The following SNTB2 variants were observed in gnomAD, a reference collection of about 807,000 sequenced individuals.
The protein encoded by SNTB2 is beta-2-syntrophin.
Under a neutral mutation model 46.2 loss-of-function variants are expected in SNTB2, and 34 were observed. The observed-to-expected ratio is 0.74, with a 90% CI of 0.56 to 0.98. The LOEUF is 0.98. Ranked by LOEUF, SNTB2 falls within the 50% of genes least tolerant of loss-of-function variation. The probability of loss-of-function intolerance (pLI) is 0.00; values close to 1 mark genes in which losing one functional copy is unlikely to be tolerated. For synonymous variants in SNTB2, 290 were observed against 312.6 expected (o/e 0.93, Z 0.76); for missense variants, 603 against 731.4 (o/e 0.82, Z 2.02).
At chr16:69,252,644 T>TA (rs1964737422) in intron 2 of SNTB2, among the ~76,000 whole-genome samples, 1 of 152,126 alleles carries the variant, frequency 6.6e-6, no homozygotes, top group Admixed American at 6.6e-5. Context: ...ACAGGAGAAG[T>TA]AAAGTAAGCT....
intron 1 of SNTB2, among the ~76,000 whole-genome samples, chr16:69,208,406 CAAA>C (rs78059351): frequency 1.8e-5 from 2 of 114,252 alleles, no homozygotes; most frequent in Admixed American, 9.0e-5. Context: ...AACTTCGTCT[CAAA>C]AAAAAAAAAA....
intron 1 of SNTB2, among the ~76,000 whole-genome samples, chr16:69,199,141 C>T (rs1483155452): frequency 2.0e-5 from 3 of 151,924 alleles, no homozygotes; most frequent in African/African-American, 7.3e-5. Flanking sequence ...GTGATTCACC[C>T]GCCTTAGCCT....
chr16:69,207,548 C>T (rs1007686698), intron 1 of SNTB2, among the ~76,000 whole-genome samples: 5 of 152,152 alleles, frequency 3.3e-5, no homozygotes, highest in Non-Finnish European at 7.3e-5. Context: ...AGAAAATTGA[C>T]ATTGTCGAGA....
chr16:69,187,764 G>GTT lies in SNTB2; in HGVS notation c.580+18_580+19insTT. 1 of 1,366,466 alleles carries GTT rather than the reference G, an allele frequency of 7.3e-7. No homozygotes were observed. Among genetic ancestry groups the GTT allele is most frequent in the South Asian group, 1.5e-5 (1 of 66,250 alleles). 84.6% of individuals were successfully genotyped at this position (1,366,466 alleles called of 1,614,324 possible). ...GCTGGAGGGTGAGCGGGGCCGGGCG[G>GTT]GAGGGTGGGCAGGCCGCGGCGGCCT... On this transcript the variant is annotated intron_variant, in intron 1 of 6. Coordinates refer to ENST00000336278, the MANE Select transcript of SNTB2 (RefSeq NM_006750.4).
At chr16:69,191,789 C>T (rs1245469863) in intron 1 of SNTB2, among the ~76,000 whole-genome samples, 4 of 151,614 alleles carry the variant, frequency 2.6e-5, no homozygotes, top group East Asian at 3.9e-4. Flanking sequence ...TACAGGCGCC[C>T]GCCACCATGC....
chr16:69,286,458 C>T lies in SNTB2; in HGVS notation c.1345+2214C>T, dbSNP rs368676644. Reference sequence around the variant, plus strand: ...CTGCACTTTGGAAGGCTAAGGCTGGCGCATTGTTTGAGCCCAGGAGTTTGA... The same window carrying T: ...CTGCACTTTGGAAGGCTAAGGCTGGTGCATTGTTTGAGCCCAGGAGTTTGA... On this transcript the variant is annotated intron_variant, in intron 5 of 6. Transcript: ENST00000336278. 5.3e-5 allele frequency among the ~76,000 whole-genome samples: 8 copies of T among 152,138 alleles called. No individual in the cohort carries two copies. The East Asian group carries it at 1.4e-3, about 26-fold the overall frequency.
chr16:69,281,523 G>A (rs1033703532), intron 4 of SNTB2, among the ~76,000 whole-genome samples: 2 of 134,484 alleles, frequency 1.5e-5, no homozygotes, highest in Non-Finnish European at 3.1e-5. Flanking sequence ...ACATATGGAT[G>A]TCTACTTATT....
chr16:69,237,669 C>A (rs1475654430), intron 1 of SNTB2, among the ~76,000 whole-genome samples: 1 of 137,466 alleles, frequency 7.3e-6, no homozygotes, highest in African/African-American at 2.8e-5. Flanking sequence ...ATGGTGCGAT[C>A]TTGGCTCACT....
In SNTB2 at chr16:69,272,521, C is replaced by T. The variant is rs148191740; in HGVS notation, c.1148+2236C>T. On this transcript the variant is annotated intron_variant, in intron 4 of 6. Transcript: ENST00000336278. Reference sequence around the variant, plus strand: ...CACCACGGCACTCCAGCCTGGGTGACAGAGTGAGACTCTGTCTCAAAAAAA... The same window carrying T: ...CACCACGGCACTCCAGCCTGGGTGATAGAGTGAGACTCTGTCTCAAAAAAA... Among the ~76,000 whole-genome samples the T allele has an allele frequency of 8.5e-3, 1,074 of 126,462 alleles. 16 individuals carry two copies. The highest frequency in any genetic ancestry group is 0.03 in the African/African-American group (963 of 32,600). The allele number at this position is 126,462 out of a possible 152,430, so 83.0% of individuals were successfully genotyped here. A position where few individuals can be genotyped will look rare whatever the true frequency, so the allele number is the denominator to read the frequency against.
intron 1 of SNTB2, 27 bp downstream of exon 1, chr16:69,187,773 G>GGGGGGGGGGGGGGGGGGGGGCC: frequency 9.0e-6 from 3 of 331,854 alleles, no homozygotes; most frequent in East Asian, 9.7e-5. Flanking sequence ...GGGAGGGTGG[G>GGGGGGGGGGGGGGGGGGGGGCC]CAGGCCGCGG....
At chr16:69,279,857 A>AT (rs1295738918) in intron 4 of SNTB2, among the ~76,000 whole-genome samples, 5 of 142,624 alleles carry the variant, frequency 3.5e-5, no homozygotes, top group African/African-American at 1.3e-4. Context: ...TAATTAATTA[A>AT]TTAATTAATT....
chr16:69,219,420 C>T (rs546004183), intron 1 of SNTB2, among the ~76,000 whole-genome samples: 13 of 152,206 alleles, frequency 8.5e-5, no homozygotes, highest in African/African-American at 2.9e-4. Flanking sequence ...AAAGGCAGAA[C>T]AAATAGTATT....
chr16:69,254,001 T>C (rs1449621330), intron 2 of SNTB2, among the ~76,000 whole-genome samples: 3 of 152,232 alleles, frequency 2.0e-5, no homozygotes, highest in Admixed American at 6.5e-5. Context: ...GAAGGAAATT[T>C]CTGGTCAAGG....
chr16:69,209,278 C>T (rs942627162), intron 1 of SNTB2, among the ~76,000 whole-genome samples: 1 of 152,100 alleles, frequency 6.6e-6, no homozygotes, highest in Non-Finnish European at 1.5e-5. Context: ...TGTTTTATAT[C>T]AACTTTTAGG....
intron 2 of SNTB2, among the ~76,000 whole-genome samples, chr16:69,249,861 G>A (rs1341254735): frequency 2.0e-5 from 3 of 152,160 alleles, no homozygotes; most frequent in African/African-American, 7.2e-5. Flanking sequence ...CACTTTGAGA[G>A]GCCAAGGTGG....
At chr16:69,292,008 A>G (rs1469333975) in intron 5 of SNTB2, among the ~76,000 whole-genome samples, 2 of 152,088 alleles carry the variant, frequency 1.3e-5, no homozygotes, top group Non-Finnish European at 2.9e-5. Context: ...TCATGAGGTC[A>G]GGAGATCGAG....
intron 1 of SNTB2, among the ~76,000 whole-genome samples, chr16:69,224,302 C>T (rs1162470535): frequency 2.0e-5 from 3 of 148,440 alleles, no homozygotes; most frequent in South Asian, 4.2e-4. Context: ...ACCTCTGCCT[C>T]CCAGGTTCAA....
chr16:69,276,670 G>A (rs1964987943), intron 4 of SNTB2, among the ~76,000 whole-genome samples: 1 of 152,102 alleles, frequency 6.6e-6, no homozygotes, highest in Non-Finnish European at 1.5e-5. Context: ...GGACCTCTGC[G>A]GATCCCCTTT....
intron 1 of SNTB2, among the ~76,000 whole-genome samples, chr16:69,219,957 G>A (rs1293836153): frequency 1.3e-5 from 2 of 151,724 alleles, no homozygotes; most frequent in Non-Finnish European, 2.9e-5. Context: ...TCACCATGTT[G>A]GCCAGGATGG....
Sources: allele counts gnomAD v4.1 joint callset (sites outside exome capture counted in the v4.1 genomes callset), GRCh38; gene constraint gnomAD v4.1.1; transcripts MANE v1.5; gene names NCBI Gene and HGNC (gene_info 2026-07-23, HGNC 2026-07-21).